Variants in CNTNAP4 observed in about 807,000 individuals in gnomAD.
CNTNAP4 encodes the protein contactin-associated protein-like 4.
Under a neutral mutation model 148.4 loss-of-function variants are expected in CNTNAP4, and 98 were observed. The ratio of observed to expected loss-of-function variants is 0.66; its 90% CI spans 0.56 to 0.78. The LOEUF is 0.78. CNTNAP4 is among the 30% of genes least tolerant of loss of function. The pLI, the probability that CNTNAP4 is intolerant of heterozygous loss-of-function variation, is 0.00. For missense variants in CNTNAP4, 1,935 were observed against 1,565.6 expected, an observed-to-expected ratio of 1.24 and a Z score of -3.98; for synonymous variants, 730 against 565.1, an observed-to-expected ratio of 1.29 and a Z score of -4.14.
At chr16:76,392,538 G>A (rs985105689) in intron 3 of CNTNAP4, among the ~76,000 whole-genome samples, 7 of 151,940 alleles carry the variant, frequency 4.6e-5, no homozygotes, top group Admixed American at 1.3e-4. Flanking sequence ...AGACTACTCT[G>A]AATGATTGGA....
chr16:76,555,646 T>C (rs949811508), intron 23 of CNTNAP4, among the ~76,000 whole-genome samples: 29 of 152,368 alleles, frequency 1.9e-4, no homozygotes, highest in Non-Finnish European at 3.7e-4. Flanking sequence ...ATCTCTAGAC[T>C]ATTGTTGTTT....
At chr16:76,354,005 C>G (rs1222494580) in intron 2 of CNTNAP4, among the ~76,000 whole-genome samples, 1 of 152,114 alleles carries the variant, frequency 6.6e-6, no homozygotes, top group African/African-American at 2.4e-5. Context: ...TGAATCAAAA[C>G]TATATAAATT....
intron 1 of CNTNAP4, among the ~76,000 whole-genome samples, chr16:76,314,895 A>G (rs1022879740): frequency 6.6e-6 from 1 of 151,968 alleles, no homozygotes; most frequent in African/African-American, 2.4e-5. Context: ...GAATTTTATA[A>G]TTTTCATTTT....
intron 3 of CNTNAP4, among the ~76,000 whole-genome samples, chr16:76,361,358 T>C (rs2013421441): frequency 6.6e-6 from 1 of 152,178 alleles, no homozygotes; most frequent in African/African-American, 2.4e-5. Context: ...TAGATTTGAC[T>C]ATTTTAGATA....
At chr16:76,292,268 C>T (rs941853197) in intron 1 of CNTNAP4, among the ~76,000 whole-genome samples, 1 of 152,204 alleles carries the variant, frequency 6.6e-6, no homozygotes, top group African/African-American at 2.4e-5. Context: ...CACCCCTCCC[C>T]TTCCTGCTCA....
intron 15 of CNTNAP4, among the ~76,000 whole-genome samples, chr16:76,502,198 G>T (rs527857750): frequency 6.6e-6 from 1 of 152,292 alleles, no homozygotes; most frequent in East Asian, 1.9e-4. Flanking sequence ...TAGCGTTGAG[G>T]TTCATCGTCA....
intron 2 of CNTNAP4, among the ~76,000 whole-genome samples, chr16:76,325,338 T>C (rs911547237): frequency 6.6e-5 from 10 of 152,202 alleles, no homozygotes; most frequent in Non-Finnish European, 1.2e-4. Flanking sequence ...CTCTGTGTAG[T>C]ATATCTCCAA....
chr16:76,541,236 G>C (rs1168118802), intron 21 of CNTNAP4, among the ~76,000 whole-genome samples: 3 of 152,124 alleles, frequency 2.0e-5, no homozygotes, highest in Non-Finnish European at 4.4e-5. Flanking sequence ...TTATGACTTG[G>C]ATTCTATTTG....
At chr16:76,431,534 C>G (rs1383166579) in intron 4 of CNTNAP4, among the ~76,000 whole-genome samples, 1 of 152,126 alleles carries the variant, frequency 6.6e-6, no homozygotes, top group Non-Finnish European at 1.5e-5. Context: ...CAAAAATTAG[C>G]CGGGCGTGGC....
In CNTNAP4 at chr16:76,553,864, G is replaced by A; in HGVS notation, c.3690G>A (p.Glu1230=). The stretch of plus-strand genomic sequence containing the variant: ...ATTCTGGAACAATAGATGACAGAGA[G>A]CCCCTTGCTAATGCAATCAAAAGTG... ...ADHSGTIDDR[E]PLANAIKSDS... Residue 1230 remains glutamate (E), a synonymous_variant, in exon 23 of 24, where the codon GAG becomes GAA. Coordinates refer to ENST00000611870, the MANE Select transcript of CNTNAP4 (RefSeq NM_033401.5). 1 of 1,612,368 alleles carries A rather than the reference G, an allele frequency of 6.2e-7. No individual in the cohort carries two copies. The highest frequency in any genetic ancestry group is 8.5e-7 in the Non-Finnish European group (1 of 1,178,632).
At chr16:76,425,121 C>G (rs1231822962) in intron 3 of CNTNAP4, among the ~76,000 whole-genome samples, 1 of 152,070 alleles carries the variant, frequency 6.6e-6, no homozygotes, top group Non-Finnish European at 1.5e-5. Context: ...GTCCAAATAT[C>G]CATGGAATTA....
chr16:76,397,797 TTG>T (rs10687638), intron 3 of CNTNAP4, among the ~76,000 whole-genome samples: 78 of 144,062 alleles, frequency 5.4e-4, no homozygotes, highest in African/African-American at 1.0e-3. Flanking sequence ...GTGCATGTGT[TTG>T]TGTGTGTGTG....
intron 9 of CNTNAP4, among the ~76,000 whole-genome samples, chr16:76,466,596 A>T (rs1395396866): frequency 6.6e-6 from 1 of 152,150 alleles, no homozygotes; most frequent in Non-Finnish European, 1.5e-5. Flanking sequence ...AAACTTATTT[A>T]TTCCACTTGG....
intron 17 of CNTNAP4, among the ~76,000 whole-genome samples, chr16:76,525,104 A>G (rs916523736): frequency 6.6e-6 from 1 of 152,162 alleles, no homozygotes; most frequent in African/African-American, 2.4e-5. Flanking sequence ...AATCAAGCTG[A>G]TAAAACAGTG....
At chr16:76,326,897 T>C (rs917807611) in intron 2 of CNTNAP4, among the ~76,000 whole-genome samples, 1 of 151,824 alleles carries the variant, frequency 6.6e-6, no homozygotes, top group African/African-American at 2.4e-5. Context: ...CATGTATACA[T>C]ATGTAACAAA....
At chr16:76,377,510 TAAG>T (rs1393678548) in intron 3 of CNTNAP4, among the ~76,000 whole-genome samples, 1 of 152,168 alleles carries the variant, frequency 6.6e-6, no homozygotes, top group African/African-American at 2.4e-5. Context: ...AGGAAATGAT[TAAG>T]AAGAAGGTGT....
At chr16:76,301,773 C>T (rs1165074033) in intron 1 of CNTNAP4, among the ~76,000 whole-genome samples, 1 of 152,014 alleles carries the variant, frequency 6.6e-6, no homozygotes, top group Non-Finnish European at 1.5e-5. Context: ...GAAGATGAGG[C>T]TTAGGGATGT....
chr16:76,367,795 G>A (rs1456857555), intron 3 of CNTNAP4, among the ~76,000 whole-genome samples: 2 of 152,138 alleles, frequency 1.3e-5, no homozygotes, highest in East Asian at 3.9e-4. Context: ...CCACACATCA[G>A]GAAAGCCATC....
At chr16:76,396,230 C>T (rs1157207398) in intron 3 of CNTNAP4, among the ~76,000 whole-genome samples, 1 of 152,142 alleles carries the variant, frequency 6.6e-6, no homozygotes, top group Non-Finnish European at 1.5e-5. Context: ...TTGAATTGTG[C>T]ATATTCATTT....
Sources: allele counts gnomAD v4.1 joint callset (sites outside exome capture counted in the v4.1 genomes callset), GRCh38; gene constraint gnomAD v4.1.1; transcripts MANE v1.5; gene names NCBI Gene and HGNC (gene_info 2026-07-23, HGNC 2026-07-21).